The following KLRG1 variants were observed in gnomAD, a reference collection of about 807,000 sequenced individuals.
The protein encoded by KLRG1 is killer cell lectin-like receptor subfamily G member 1.
A neutral mutation model predicts 21.8 loss-of-function variants in KLRG1; 16 were observed. The observed-to-expected ratio is 0.73, with a 90% CI of 0.50 to 1.11. The LOEUF (loss-of-function observed/expected upper bound fraction) is 1.11. Among genes scored for constraint, KLRG1 ranks in the 50% most tolerant of loss-of-function variants. The probability of loss-of-function intolerance (pLI) is 0.00; values close to 1 mark genes in which losing one functional copy is unlikely to be tolerated. For synonymous variants in KLRG1, 69 were observed against 75.9 expected, an observed-to-expected ratio of 0.91 and a Z score of 0.47; for missense variants, 173 against 218.3, an observed-to-expected ratio of 0.79 and a Z score of 1.31.
At chr12:8,960,906 T>C (rs1946371003) in intron 1 of KLRG1, among the ~76,000 whole-genome samples, 3 of 152,198 alleles carry the variant, frequency 2.0e-5, no homozygotes, top group Non-Finnish European at 4.4e-5. Flanking sequence ...GTTAGGTTAT[T>C]TGAGGGGACG....
At chr12:9,192,517 A>G in the KLRG1 span, 1 of 1,611,674 alleles carries the variant, frequency 6.2e-7, no homozygotes, top group South Asian at 1.1e-5. Context: ...CTTACCAGGT[A>G]ATGGAAACTG....
the KLRG1 span, among the ~76,000 whole-genome samples, chr12:9,122,655 C>T: frequency 6.6e-6 from 1 of 152,076 alleles, no homozygotes; most frequent in Non-Finnish European, 1.5e-5. Flanking sequence ...AATAGTTGAA[C>T]TGTCGGTCCC....
the KLRG1 span, chr12:9,036,601 A>G: frequency 5.6e-6 from 1 of 178,034 alleles, no homozygotes; most frequent in African/African-American, 2.4e-5. Flanking sequence ...TCCCAGAAAA[A>G]TGAGACACTG....
intron 1 of KLRG1, among the ~76,000 whole-genome samples, chr12:8,965,100 A>G (rs1481519692): frequency 6.6e-6 from 1 of 152,214 alleles, no homozygotes; most frequent in Non-Finnish European, 1.5e-5. Flanking sequence ...TGATTATCTC[A>G]ATAGATGCAG....
chr12:9,201,005 A>G, the KLRG1 span: 2 of 1,613,976 alleles, frequency 1.2e-6, no homozygotes, highest in Admixed American at 3.3e-5. Flanking sequence ...CAACTGATTG[A>G]TGCCAGCTTC....
At chr12:9,041,283 TG>T in the KLRG1 span, among the ~76,000 whole-genome samples, 19 of 152,266 alleles carry the variant, frequency 1.2e-4, no homozygotes, top group South Asian at 2.5e-3. Context: ...TGCAGTAAGC[TG>T]AGATCGCGCC....
chr12:9,102,461 C>T, the KLRG1 span, among the ~76,000 whole-genome samples: 2 of 152,164 alleles, frequency 1.3e-5, no homozygotes, highest in Non-Finnish European at 2.9e-5. Context: ...CGCAATCCAC[C>T]CACCTCAGCC....
chr12:9,115,659 G>C, the KLRG1 span: 4 of 822,428 alleles, frequency 4.9e-6, no homozygotes, highest in Admixed American at 6.9e-5. Context: ...TTAGAGATAA[G>C]AAGATGACAG....
the KLRG1 span, among the ~76,000 whole-genome samples, chr12:9,076,416 T>C: frequency 6.6e-6 from 1 of 152,348 alleles, no homozygotes; most frequent in Non-Finnish European, 1.5e-5. Context: ...GTAGCACATT[T>C]TGGAGCTAGT....
At chr12:9,125,824 T>A in the KLRG1 span, among the ~76,000 whole-genome samples, 1 of 152,186 alleles carries the variant, frequency 6.6e-6, no homozygotes, top group African/African-American at 2.4e-5. Context: ...AACCTCCACC[T>A]CCCGGGTTCA....
chr12:9,148,713 C>G, the KLRG1 span: 1 of 411,106 alleles, frequency 2.4e-6, no homozygotes, highest in South Asian at 4.2e-5. Flanking sequence ...GCAACCTCCA[C>G]TCTGCTTTCC....
the KLRG1 span, among the ~76,000 whole-genome samples, chr12:9,096,485 T>C: frequency 6.6e-6 from 1 of 152,152 alleles, no homozygotes; most frequent in African/African-American, 2.4e-5. Context: ...GAATATCCTC[T>C]CTCCACAGGA....
At chr12:9,149,513 G>A in the KLRG1 span, 1 of 1,539,794 alleles carries the variant, frequency 6.5e-7, no homozygotes, top group Non-Finnish European at 8.9e-7. Context: ...GGCCCTTGGA[G>A]AGTGGGTTAA....
the KLRG1 span, chr12:9,127,808 G>C: frequency 4.6e-6 from 1 of 219,274 alleles, no homozygotes; most frequent in Non-Finnish European, 9.5e-6. Context: ...GACAAGGTGC[G>C]GGCTCTGGAG....
the KLRG1 span, among the ~76,000 whole-genome samples, chr12:9,144,894 G>A: frequency 9.2e-5 from 14 of 152,308 alleles, no homozygotes; most frequent in African/African-American, 2.6e-4. Context: ...TCATGCTGAC[G>A]TTAGCCATTA....
At chr12:9,057,048 G>A in the KLRG1 span, among the ~76,000 whole-genome samples, 22 of 152,062 alleles carry the variant, frequency 1.4e-4, no homozygotes, top group Middle Eastern at 3.2e-3. Context: ...TATTTTGCAC[G>A]ACTGATAGGC....
At chr12:9,106,960 G>A in the KLRG1 span, among the ~76,000 whole-genome samples, 4 of 152,094 alleles carry the variant, frequency 2.6e-5, no homozygotes, top group East Asian at 1.9e-4. Context: ...ATCACATCGC[G>A]GGATTTAGGG....
the KLRG1 span, among the ~76,000 whole-genome samples, chr12:9,165,894 A>G: frequency 6.6e-6 from 1 of 152,256 alleles, no homozygotes; most frequent in Non-Finnish European, 1.5e-5. Flanking sequence ...TGTATTAATG[A>G]GCCTATGCAA....
the KLRG1 span, chr12:9,168,677 T>C: frequency 2.7e-4 from 135 of 507,646 alleles, no homozygotes; most frequent in Admixed American, 1.8e-4. Flanking sequence ...GTATCGGATG[T>C]ATCTAAAAAA....
Sources: gnomAD v4.1 joint callset for allele counts (sites outside exome capture counted in the v4.1 genomes callset) on GRCh38, gnomAD v4.1.1 for gene constraint, MANE v1.5 for transcripts, NCBI Gene and HGNC (gene_info 2026-07-23, HGNC 2026-07-21) for gene names.